Variants in DRAXIN observed in about 807,000 individuals in gnomAD.
DRAXIN encodes the protein dorsal inhibitory axon guidance protein.
Under a neutral mutation model 33.9 loss-of-function variants are expected in DRAXIN, and 27 were observed. The ratio of observed to expected loss-of-function variants is 0.80; its 90% confidence interval spans 0.59 to 1.10. DRAXIN has a LOEUF of 1.10. Ranked by LOEUF, DRAXIN falls within the 50% of genes least tolerant of loss-of-function variation. DRAXIN has a pLI of 0.00. For missense variants in DRAXIN, 371 were observed against 460.8 expected (o/e 0.81, Z 1.78); for synonymous variants, 178 against 194.0 (o/e 0.92, Z 0.69).
At position 11,692,521 on chromosome 1, in the gene DRAXIN, C is replaced by A. The variant is rs1195820843; in HGVS notation, c.-11+668C>A. Among the ~76,000 whole-genome samples, 1 of 152,146 alleles carries A rather than the reference C, an allele frequency of 6.6e-6. No homozygotes were observed. Among genetic ancestry groups the A allele is most frequent in the Non-Finnish European group, 1.5e-5 (1 of 68,024 alleles). ...TTCGCCTGTGGTCTCCCGCTCTGTCCCTCCTGCTCCCCACCGCCGGCTTTT... is the reference window on the plus strand; with the variant it reads ...TTCGCCTGTGGTCTCCCGCTCTGTCACTCCTGCTCCCCACCGCCGGCTTTT... On this transcript the variant is annotated intron_variant, in intron 1 of 6. Transcript: ENST00000294485. This position sits in a 1 kb window ranked among gnomAD's most constrained non-coding sequence, Gnocchi z 5.8.
chr1:11,719,451 C>G, intron 6 of DRAXIN, 133 bp from the exon 7 acceptor site: 2 of 727,614 alleles, frequency 2.7e-6, no homozygotes. Flanking sequence ...ATTGGGGCTG[C>G]CGTGAGGAAG....
At chr1:11,695,167 G>C (rs1641171594) in intron 1 of DRAXIN, among the ~76,000 whole-genome samples, 1 of 152,180 alleles carries the variant, frequency 6.6e-6, no homozygotes, top group African/African-American at 2.4e-5. Flanking sequence ...GAGTCAGATG[G>C]CTGTGGGTTC....
intron 5 of DRAXIN, among the ~76,000 whole-genome samples, chr1:11,712,767 A>G (rs1368851948): frequency 6.6e-6 from 1 of 151,850 alleles, no homozygotes; most frequent in African/African-American, 2.4e-5. Flanking sequence ...GGCATGGTGG[A>G]ACATGCCTGT....
In DRAXIN at chr1:11,709,319, G is replaced by C; in HGVS notation, c.496G>C (p.Glu166Gln). The change falls in exon 3 of 7, where the codon GAG becomes CAG. Residue 166 changes from glutamate to glutamine, a missense_variant. Physicochemically the swap from Glu to Gln is conservative, Grantham distance 29. Coordinates refer to ENST00000294485, the MANE Select transcript of DRAXIN (RefSeq NM_198545.4). The stretch of plus-strand genomic sequence containing the variant: ...TCCCAGCTCCCTGATGAAGAAGGCA[G>C]AGCTCTCCGAAGCCCAGGTGCTGGA... ...RGPSSLMKKA[E>Q]LSEAQVLDAA... is the part of the protein sequence containing the mutation. 7 of 1,613,904 alleles carry C rather than the reference G, an allele frequency of 4.3e-6. No homozygotes were observed. The highest frequency in any genetic ancestry group is 5.9e-6 in the Non-Finnish European group (7 of 1,179,878).
chr1:11,708,271 GAGA>G (rs1245761529), intron 2 of DRAXIN, among the ~76,000 whole-genome samples: 2 of 152,222 alleles, frequency 1.3e-5, no homozygotes, highest in Non-Finnish European at 2.9e-5. Flanking sequence ...GTGGGGAACG[GAGA>G]AGGTTTGCGG....
upstream of DRAXIN, among the ~76,000 whole-genome samples, chr1:11,689,305 A>G (rs1443347481): frequency 4.6e-5 from 7 of 151,112 alleles, no homozygotes; most frequent in Non-Finnish European, 8.9e-5. Flanking sequence ...AAAAAAAAAA[A>G]AAAAAAAAAA....
chr1:11,700,722 T>A (rs1444702036), intron 1 of DRAXIN, among the ~76,000 whole-genome samples: 3 of 151,500 alleles, frequency 2.0e-5, no homozygotes, highest in Non-Finnish European at 4.4e-5. Flanking sequence ...CCGTGGGGGG[T>A]TGCCTGCTTC....
chr1:11,706,505 G>A lies in DRAXIN; in HGVS notation c.247G>A (p.Ala83Thr), dbSNP rs181265635. ...SQAQDGAVVTATRQASRLPEA... is the reference protein window; with the variant it reads ...SQAQDGAVVTTTRQASRLPEA... Reference sequence around the variant, plus strand: ...GGCCCAGGATGGGGCTGTGGTCACCGCCACCAGGCAGGCCTCCAGGCTGCC... The same window carrying A: ...GGCCCAGGATGGGGCTGTGGTCACCACCACCAGGCAGGCCTCCAGGCTGCC... Residue 83 changes from alanine to threonine, a missense_variant, in exon 2 of 7, where the codon GCC (alanine) becomes ACC (threonine). Physicochemically the swap from Ala to Thr is moderately conservative, Grantham distance 58. Coordinates refer to ENST00000294485, the MANE Select transcript of DRAXIN (RefSeq NM_198545.4). The surrounding 1 kb of genome is among the most constrained non-coding windows in gnomAD (Gnocchi z 5.5). The A allele has an allele frequency of 2.5e-3, 3,997 of 1,611,378 alleles. 83 individuals are homozygous for A. The African/African-American group carries it at 0.045, about 18-fold the overall frequency.
At chr1:11,702,747 C>CTTTTTTTTTTTTT (rs33972819) in intron 1 of DRAXIN, among the ~76,000 whole-genome samples, 3 of 145,552 alleles carry the variant, frequency 2.1e-5, no homozygotes, top group Non-Finnish European at 1.5e-5. Context: ...GGTATGAATT[C>CTTTTTTTTTTTTT]TTTTTTTTTT....
At position 11,705,327 on chromosome 1, in the gene DRAXIN, A is replaced by G. The variant is rs1287781105; in HGVS notation, c.-10-922A>G. Among the ~76,000 whole-genome samples, 1 of 151,976 alleles carries G rather than the reference A, an allele frequency of 6.6e-6. No individual in the cohort carries two copies. The highest frequency in any genetic ancestry group is 1.9e-4 in the East Asian group (1 of 5,174). On this transcript the variant is annotated intron_variant, in intron 1 of 6. Coordinates refer to ENST00000294485, the MANE Select transcript of DRAXIN (RefSeq NM_198545.4). This position sits in a 1 kb window ranked among gnomAD's most constrained non-coding sequence, Gnocchi z 4.8. ...GCAGGAGGTCTCCAGAGTCTGACAGACGCCCCCACCATCCCCTGAGCTGCA... is the reference window on the plus strand; with the variant it reads ...GCAGGAGGTCTCCAGAGTCTGACAGGCGCCCCCACCATCCCCTGAGCTGCA...
intron 1 of DRAXIN, among the ~76,000 whole-genome samples, chr1:11,703,146 T>C (rs769688244): frequency 7.9e-5 from 12 of 152,254 alleles, no homozygotes; most frequent in South Asian, 6.2e-4. Flanking sequence ...CAGAAGGGAA[T>C]GTGCAGAGTC....
intron 1 of DRAXIN, among the ~76,000 whole-genome samples, chr1:11,700,709 T>A (rs1641257967): frequency 6.6e-6 from 1 of 152,210 alleles, no homozygotes; most frequent in Non-Finnish European, 1.5e-5. Context: ...GCTCCGGTTC[T>A]CCCCGTGGGG....
At chr1:11,715,923 G>A (rs1641570415) in intron 6 of DRAXIN, among the ~76,000 whole-genome samples, 1 of 152,234 alleles carries the variant, frequency 6.6e-6, no homozygotes, top group Non-Finnish European at 1.5e-5. Context: ...AGGCTGGAGT[G>A]CAGCAGTGCA....
At chr1:11,693,157 C>T (rs1641114489) in intron 1 of DRAXIN, among the ~76,000 whole-genome samples, 1 of 152,058 alleles carries the variant, frequency 6.6e-6, no homozygotes, top group African/African-American at 2.4e-5. Flanking sequence ...TTCTCTCTCT[C>T]CTCCTCTTTG....
rs528228506 is a variant in DRAXIN at position 11,696,415 on chromosome 1, G to A, written c.-11+4562G>A. 1.6e-4 allele frequency among the ~76,000 whole-genome samples: 24 copies of A among 152,208 alleles called. No individual in the cohort carries two copies. The highest frequency in any genetic ancestry group is 4.6e-4 in the African/African-American group (19 of 41,538). On this transcript the variant is annotated intron_variant, in intron 1 of 6. Transcript: ENST00000294485. This position sits in a 1 kb window ranked among gnomAD's most constrained non-coding sequence, Gnocchi z 4.7. ...AGCCTGGCCAAGGTGGTAAAACCCCGTCTCTACTAAAAATACAAAAATTAG... is the reference window on the plus strand; with the variant it reads ...AGCCTGGCCAAGGTGGTAAAACCCCATCTCTACTAAAAATACAAAAATTAG...
upstream of DRAXIN, among the ~76,000 whole-genome samples, chr1:11,690,655 G>A (rs1471875207): frequency 6.6e-6 from 1 of 152,210 alleles, no homozygotes; most frequent in Admixed American, 6.5e-5. The surrounding 1 kb of genome is among the most constrained non-coding windows in gnomAD (Gnocchi z 4.2). Flanking sequence ...CGAGCTCAGG[G>A]CGCCAGGTGG....
chr1:11,688,102 A>T (rs1469908175), upstream of DRAXIN, among the ~76,000 whole-genome samples: 1 of 152,178 alleles, frequency 6.6e-6, no homozygotes, highest in Non-Finnish European at 1.5e-5. The surrounding 1 kb of genome is among the most constrained non-coding windows in gnomAD (Gnocchi z 4.6). Flanking sequence ...CTCCTGGCTC[A>T]TGAATACTGG....
chr1:11,719,517 G>C (rs1051333855), intron 6 of DRAXIN, 67 bp from the exon 7 acceptor site: 2 of 1,385,140 alleles, frequency 1.4e-6, no homozygotes, highest in African/African-American at 2.9e-5. Context: ...CCCCGAGCGT[G>C]CAGGGGAAGG....
intron 6 of DRAXIN, among the ~76,000 whole-genome samples, chr1:11,715,970 G>A (rs1274190111): frequency 1.3e-5 from 2 of 152,150 alleles, no homozygotes; most frequent in Non-Finnish European, 2.9e-5. Flanking sequence ...CCCAGGCTTA[G>A]GTGATCCTCC....
Sources: gnomAD v4.1 joint callset for allele counts (sites outside exome capture counted in the v4.1 genomes callset) on GRCh38, gnomAD v4.1.1 for gene constraint, Gnocchi (gnomAD v3.1) non-coding constraint, MANE v1.5 for transcripts, NCBI Gene and HGNC (gene_info 2026-07-23, HGNC 2026-07-21) for gene names.